Variants in ALMS1 observed in about 807,000 individuals in gnomAD.
ALMS1 encodes the protein ALMS1 centrosome and basal body associated protein.
A neutral mutation model predicts 352.2 loss-of-function variants in ALMS1; 271 were observed. The observed-to-expected ratio is 0.77, with a 90% CI of 0.70 to 0.85. ALMS1 has a LOEUF of 0.85. Among genes scored for constraint, ALMS1 ranks in the 40% least tolerant of loss-of-function variants. ALMS1 has a pLI of 0.00. For missense variants in ALMS1, 5,445 were observed against 4,870.7 expected, an observed-to-expected ratio of 1.12 and a Z score of -3.51; for synonymous variants, 1,865 against 1,761.2, an observed-to-expected ratio of 1.06 and a Z score of -1.48.
rs1228870979 is a variant in ALMS1, at chr2:73,508,412, A to G, written c.9540-11363A>G. ...AGTAGAGACAGGGTTTCACTGTGTTAGTCAGGATGGTCTCGATCTCCTGAC... is the reference window on the plus strand; with the variant it reads ...AGTAGAGACAGGGTTTCACTGTGTTGGTCAGGATGGTCTCGATCTCCTGAC... On this transcript the variant is annotated intron_variant, in intron 10 of 22. Coordinates refer to ENST00000613296, the MANE Select transcript of ALMS1 (RefSeq NM_001378454.1). Among the ~76,000 whole-genome samples, 5 of 151,734 alleles carry G rather than the reference A, an allele frequency of 3.3e-5. 1 individual carries two copies. Among genetic ancestry groups the G allele is most frequent in the Admixed American group, 3.3e-4 (5 of 15,198 alleles).
chr2:73,435,953 T>A (rs1165069362), intron 7 of ALMS1, among the ~76,000 whole-genome samples: 8 of 152,190 alleles, frequency 5.3e-5, no homozygotes, highest in Non-Finnish European at 1.2e-4. Context: ...ATGAAGTATG[T>A]CTTTTTGTAG....
chr2:73,598,810 T>C (rs1426025303), intron 16 of ALMS1, among the ~76,000 whole-genome samples: 1 of 152,244 alleles, frequency 6.6e-6, no homozygotes, highest in African/African-American at 2.4e-5. Context: ...AATCATTTTG[T>C]CATCCACCGA....
chr2:73,424,795 A>C lies in ALMS1; in HGVS notation c.1130A>C (p.Asp377Ala), dbSNP rs1006337554. 2 of 1,612,812 alleles carry C rather than the reference A, an allele frequency of 1.2e-6. No homozygotes were observed. The highest frequency in any genetic ancestry group is 1.7e-6 in the Non-Finnish European group (2 of 1,179,060). ...VSVATSFDIT[D>A]ENIATKRSDH... is the part of the protein sequence containing the mutation. ...GTTGCAACTTCATTTGACATAACTGATGAAAACATAGCTACTAAAAGAAGT... is the reference window on the plus strand; with the variant it reads ...GTTGCAACTTCATTTGACATAACTGCTGAAAACATAGCTACTAAAAGAAGT... Residue 377 changes from aspartate (D) to alanine (A), a missense_variant, in exon 5 of 23, where the codon GAT (aspartate) becomes GCT (alanine). By Grantham distance (126) the Asp-to-Ala change is moderately radical. Transcript: ENST00000613296.
intron 9 of ALMS1, among the ~76,000 whole-genome samples, chr2:73,476,126 A>G (rs1029062277): frequency 3.3e-5 from 5 of 152,074 alleles, no homozygotes; most frequent in African/African-American, 1.2e-4. Flanking sequence ...TAGGTACCTT[A>G]TAGTAGCAGA....
At chr2:73,399,815 C>G (rs1670836070) in intron 1 of ALMS1, among the ~76,000 whole-genome samples, 1 of 151,970 alleles carries the variant, frequency 6.6e-6, no homozygotes, top group African/African-American at 2.4e-5. Context: ...GAGAATATTC[C>G]CCTCTATTCC....
At chr2:73,414,863 T>A (rs1307209400) in intron 2 of ALMS1, among the ~76,000 whole-genome samples, 1 of 152,180 alleles carries the variant, frequency 6.6e-6, no homozygotes, top group African/African-American at 2.4e-5. Flanking sequence ...TTTGGCATAA[T>A]GTTTTAACAC....
chr2:73,609,495 G>A (rs1465252702), intron 22 of ALMS1, 73 bp from the exon 23 acceptor site: 186 of 1,362,096 alleles, frequency 1.4e-4, no homozygotes, highest in Non-Finnish European at 1.9e-4. Context: ...TGACATGGAT[G>A]CAGGGAGGAG....
At chr2:73,391,285 C>A (rs558021334) in intron 1 of ALMS1, among the ~76,000 whole-genome samples, 2 of 133,764 alleles carry the variant, frequency 1.5e-5, no homozygotes, top group Non-Finnish European at 1.5e-5. Context: ...TATTCATATA[C>A]GTTTTATTCT....
chr2:73,562,530 A>C (rs1457378272), intron 15 of ALMS1, among the ~76,000 whole-genome samples: 1 of 152,202 alleles, frequency 6.6e-6, no homozygotes, highest in African/African-American at 2.4e-5. Context: ...AAGGAGGTAT[A>C]AATGAGCAAA....
chr2:73,429,343 A>G (rs569956296), intron 6 of ALMS1, among the ~76,000 whole-genome samples: 1 of 142,416 alleles, frequency 7.0e-6, no homozygotes, highest in East Asian at 2.1e-4. Flanking sequence ...GTGCAATGGC[A>G]CAATCTCAGC....
intron 10 of ALMS1, among the ~76,000 whole-genome samples, chr2:73,506,215 G>T (rs1377356629): frequency 6.6e-6 from 1 of 152,172 alleles, no homozygotes; most frequent in East Asian, 1.9e-4. Context: ...TTGAAGTCAG[G>T]TAGCATGATG....
chr2:73,423,137 A>C (rs180728533), intron 4 of ALMS1, among the ~76,000 whole-genome samples, 163 bp downstream of exon 4: 1 of 152,318 alleles, frequency 6.6e-6, no homozygotes, highest in African/African-American at 2.4e-5. Flanking sequence ...ATGCATATTA[A>C]TTTGGCAGAG....
At chr2:73,509,184 G>A (rs925379171) in intron 10 of ALMS1, among the ~76,000 whole-genome samples, 2 of 151,942 alleles carry the variant, frequency 1.3e-5, no homozygotes, top group Non-Finnish European at 2.9e-5. Context: ...CACACCAATG[G>A]GTCTTGACTC....
intron 1 of ALMS1, among the ~76,000 whole-genome samples, chr2:73,406,841 G>A (rs1397262476): frequency 6.6e-6 from 1 of 152,104 alleles, no homozygotes; most frequent in Non-Finnish European, 1.5e-5. Flanking sequence ...TGGCCAGGCT[G>A]GTCTCAAACT....
intron 15 of ALMS1, among the ~76,000 whole-genome samples, chr2:73,568,011 C>T (rs1426233403): frequency 1.3e-5 from 2 of 152,048 alleles, no homozygotes; most frequent in Non-Finnish European, 2.9e-5. Context: ...TCTTACTATG[C>T]AAAGAGCTTT....
chr2:73,463,365 G>A (rs1672251693), intron 9 of ALMS1, among the ~76,000 whole-genome samples: 1 of 151,700 alleles, frequency 6.6e-6, no homozygotes, highest in African/African-American at 2.4e-5. Flanking sequence ...GGTACATAAC[G>A]AAATGAAGGC....
chr2:73,493,498 G>A (rs1052447741), intron 10 of ALMS1, among the ~76,000 whole-genome samples: 4 of 151,866 alleles, frequency 2.6e-5, no homozygotes, highest in African/African-American at 9.7e-5. Context: ...CAAGGTGGGC[G>A]GATCACCTGA....
chr2:73,469,015 G>T (rs1251815260), intron 9 of ALMS1, among the ~76,000 whole-genome samples: 2 of 105,388 alleles, frequency 1.9e-5, no homozygotes, highest in South Asian at 2.9e-4. Context: ...GATCATTTTG[G>T]CCCCTTCCAT....
At chr2:73,461,705 T>C (rs1572944775) in intron 9 of ALMS1, among the ~76,000 whole-genome samples, 1 of 152,028 alleles carries the variant, frequency 6.6e-6, no homozygotes, top group African/African-American at 2.4e-5. Flanking sequence ...TTAAAAACTT[T>C]CAAAAAAATT....
Sources: allele counts gnomAD v4.1 joint callset (sites outside exome capture counted in the v4.1 genomes callset), GRCh38; gene constraint gnomAD v4.1.1; transcripts MANE v1.5; gene names NCBI Gene and HGNC (gene_info 2026-07-23, HGNC 2026-07-21).